Variants in CIP2A observed in about 807,000 individuals in gnomAD.
CIP2A encodes cellular inhibitor of PP2A, also known as protein CIP2A.
Under a neutral mutation model 110.9 loss-of-function variants are expected in CIP2A, and 103 were observed. That is an observed-to-expected ratio of 0.93 (90% CI 0.79 to 1.09). The LOEUF is 1.09. Among genes scored for constraint, CIP2A ranks in the 50% least tolerant of loss-of-function variants. The pLI, the probability that CIP2A is intolerant of heterozygous loss-of-function variation, is 0.00. For missense variants in CIP2A, 1,088 were observed against 1,038.4 expected, an observed-to-expected ratio of 1.05 and a Z score of -0.66; for synonymous variants, 381 against 361.6, an observed-to-expected ratio of 1.05 and a Z score of -0.61.
At position 108,551,038 on chromosome 3, in the gene CIP2A, T is replaced by C. The variant is rs987322067; in HGVS notation, c.*111A>G. ...TCAGGGTCTTTACTAAATTAGATAA[T>C]AACTTCTTATTGTTACGAAGTCACA... On this transcript the variant is annotated 3_prime_UTR_variant, in exon 21 of 21. Coordinates refer to ENST00000295746, the MANE Select transcript of CIP2A (RefSeq NM_020890.3). 1.1e-4 allele frequency: 52 copies of C among 472,822 alleles called. No individual in the cohort carries two copies. Among genetic ancestry groups the C allele is most frequent in the Non-Finnish European group, 1.6e-4 (48 of 291,896 alleles). The allele number at this position is 472,822 out of a possible 1,614,324, so 29.3% of individuals were successfully genotyped here.
intron 14 of CIP2A, 57 bp from the exon 15 acceptor site, chr3:108,560,085 C>A: frequency 4.2e-6 from 4 of 941,450 alleles, no homozygotes; most frequent in South Asian, 1.6e-5. Context: ...GACACAATGA[C>A]AAAATAAATG....
chr3:108,556,999 A>G lies in CIP2A; in HGVS notation c.2210+219T>C, dbSNP rs142577971. 1.3e-3 allele frequency among the ~76,000 whole-genome samples: 200 copies of G among 152,302 alleles called. 1 individual carries two copies. The Middle Eastern group carries it at 0.014, about 10-fold the overall frequency. On this transcript the variant is annotated intron_variant, in intron 17 of 20. Coordinates refer to ENST00000295746, the MANE Select transcript of CIP2A (RefSeq NM_020890.3). ...CTGACTGTTATGAATACATAAAAGA[A>G]GTCAACTGGAAAGACCTGTATTTTG...
At position 108,578,137 on chromosome 3, in the gene CIP2A, T is replaced by C. The variant is rs1049118926; in HGVS notation, c.818+1144A>G. Among the ~76,000 whole-genome samples, 3 of 152,196 alleles carry C rather than the reference T, an allele frequency of 2.0e-5. No individual in the cohort carries two copies. The South Asian group carries it at 6.2e-4, about 31-fold the overall frequency. ...TGGGATTCTACGATAGAGTATAAAA[T>C]AGATAATAGAACTGAGAGATTTACA... On this transcript the variant is annotated intron_variant, in intron 7 of 20. Coordinates refer to ENST00000295746, the MANE Select transcript of CIP2A (RefSeq NM_020890.3).
At chr3:108,554,559 G>C (rs1031426319) in intron 17 of CIP2A, 70 bp from the exon 18 acceptor site, 4 of 678,614 alleles carry the variant, frequency 5.9e-6, no homozygotes, top group Non-Finnish European at 7.7e-6. Flanking sequence ...GAAGCTCACA[G>C]TGTTTTCTTT....
chr3:108,585,338 A>T lies in CIP2A; in HGVS notation c.103-126T>A, dbSNP rs1026329008. ...CCTTCCCAATTTAAAAAATTCACAC[A>T]TGCTGTGAAAAATTCACCCCTGCCT... On this transcript the variant is annotated intron_variant, in intron 1 of 20. Coordinates refer to ENST00000295746, the MANE Select transcript of CIP2A (RefSeq NM_020890.3). The T allele has an allele frequency of 7.2e-6, 6 of 832,936 alleles. No homozygotes were observed. In the Admixed American group the frequency reaches 1.8e-4, roughly 25 times the overall value. 51.6% of individuals were successfully genotyped at this position (832,936 alleles called of 1,614,324 possible).
chr3:108,558,412 G>A (rs556413630), intron 16 of CIP2A, among the ~76,000 whole-genome samples: 1 of 151,968 alleles, frequency 6.6e-6, no homozygotes, highest in Non-Finnish European at 1.5e-5. Flanking sequence ...GATTCCATTT[G>A]TATCTGCTGG....
chr3:108,582,961 G>GT lies in CIP2A; in HGVS notation c.357+15dup. 1 of 1,517,050 alleles carries GT rather than the reference G, an allele frequency of 6.6e-7. No homozygotes were observed. Among genetic ancestry groups the GT allele is most frequent in the Non-Finnish European group, 9.1e-7 (1 of 1,096,786 alleles). The allele number at this position is 1,517,050 out of a possible 1,614,324, so 94.0% of individuals were successfully genotyped here. A position where few individuals can be genotyped will look rare whatever the true frequency, so the allele number is the denominator to read the frequency against. ...GACAGTAAGGAAAGGGGAATACACTGTGTGGGTCTGTATACCTGCAAAAAC... is the reference window on the plus strand; with the variant it reads ...GACAGTAAGGAAAGGGGAATACACTGTTGTGGGTCTGTATACCTGCAAAAAC... On this transcript the variant is annotated intron_variant, in intron 3 of 20. Transcript: ENST00000295746.
chr3:108,578,313 G>C lies in CIP2A; in HGVS notation c.818+968C>G, dbSNP rs903128192. Reference sequence around the variant, plus strand: ...GTAGAATAGATATACATGGATATTGGGAGAATCTCACAACAGATGAAGAGA... The same window carrying C: ...GTAGAATAGATATACATGGATATTGCGAGAATCTCACAACAGATGAAGAGA... On this transcript the variant is annotated intron_variant, in intron 7 of 20. Transcript: ENST00000295746. 1.4e-4 allele frequency among the ~76,000 whole-genome samples: 21 copies of C among 152,236 alleles called. 1 individual carries two copies. In the East Asian group the frequency reaches 3.9e-3, roughly 28 times the overall value.
chr3:108,583,989 C>T (rs2107370715), intron 2 of CIP2A, among the ~76,000 whole-genome samples: 1 of 152,272 alleles, frequency 6.6e-6, no homozygotes, highest in Non-Finnish European at 1.5e-5. Flanking sequence ...AAGTGACTGG[C>T]ATATTCATTC....
rs1178662782 is a variant in CIP2A at position 108,575,583 on chromosome 3, T to C, written c.894+688A>G. On this transcript the variant is annotated intron_variant, in intron 8 of 20. Transcript: ENST00000295746. ...ATACGTGTATATATACTCATATACA[T>C]GTGTATATATACGTGTATATATACT... Among the ~76,000 whole-genome samples the C allele has an allele frequency of 6.0e-5, 9 of 148,876 alleles. 2 individuals carry two copies. Among genetic ancestry groups the C allele is most frequent in the African/African-American group, 2.0e-4 (8 of 40,122 alleles).
intron 11 of CIP2A, among the ~76,000 whole-genome samples, chr3:108,565,820 T>C (rs1324170158): frequency 6.6e-6 from 1 of 151,776 alleles, no homozygotes; most frequent in Non-Finnish European, 1.5e-5. Context: ...TAATACGTAA[T>C]GAATGAATTA....
At chr3:108,581,318 G>T in intron 5 of CIP2A, 97 bp downstream of exon 5, 1 of 826,530 alleles carries the variant, frequency 1.2e-6, no homozygotes, top group Non-Finnish European at 1.9e-6. Context: ...CAGAATCCTT[G>T]TTCAAATTTG....
chr3:108,577,125 T>G (rs944214006), intron 7 of CIP2A, among the ~76,000 whole-genome samples: 1 of 152,116 alleles, frequency 6.6e-6, no homozygotes, highest in African/African-American at 2.4e-5. Flanking sequence ...AAAAGGGCAT[T>G]TCTAGTGAGC....
intron 20 of CIP2A, among the ~76,000 whole-genome samples, chr3:108,551,741 G>T (rs1481704207): frequency 1.3e-5 from 2 of 151,892 alleles, no homozygotes; most frequent in African/African-American, 4.8e-5. Context: ...GGTAGTAAAC[G>T]GGCCAGAAAG....
In CIP2A at chr3:108,589,280, G is replaced by A. The variant is rs1431591711; in HGVS notation, c.96C>T (p.His32=). The A allele has an allele frequency of 1.2e-6, 2 of 1,613,378 alleles. No homozygotes were observed. The highest frequency in any genetic ancestry group is 1.7e-6 in the Non-Finnish European group (2 of 1,179,316). ...CTACCCCAGAGCCTCTCACCTCCAAGTGCCGCAAAAGCTGAGTGGCGTTCG... is the reference window on the plus strand; with the variant it reads ...CTACCCCAGAGCCTCTCACCTCCAAATGCCGCAAAAGCTGAGTGGCGTTCG... ...SEANATQLLR[H]LEVISGQKLT... Residue 32 remains histidine (H), a synonymous_variant, in exon 1 of 21, where the codon CAC becomes CAT. Transcript: ENST00000295746.
intron 7 of CIP2A, among the ~76,000 whole-genome samples, chr3:108,577,131 T>C (rs554382933): frequency 2.0e-5 from 3 of 152,160 alleles, no homozygotes; most frequent in Non-Finnish European, 4.4e-5. Context: ...GCATTTCTAG[T>C]GAGCTGGAAG....
In CIP2A at chr3:108,585,220, ATAG is replaced by A. The variant is rs1250318940; in HGVS notation, c.103-11_103-9del. 1 of 1,594,826 alleles carries A rather than the reference ATAG, an allele frequency of 6.3e-7. No homozygotes were observed. Among genetic ancestry groups the A allele is most frequent in the African/African-American group, 1.3e-5 (1 of 74,192 alleles). On this transcript the variant is annotated splice_polypyrimidine_tract_variant and intron_variant, in intron 1 of 20. Transcript: ENST00000295746. ...TTTCTGTCCAGAAATTACCTATAAA[ATAG>A]TAATCAAAATGTGTTGGTTAAGCGA...
rs1018277760 is a variant in CIP2A, at chr3:108,579,513, T to C, written c.672+53A>G. 1.9e-6 allele frequency: 3 copies of C among 1,565,854 alleles called. No individual in the cohort carries two copies. The African/African-American group carries it at 4.2e-5, about 22-fold the overall frequency. ...GTAAAAATAAAAAAGTCTCAATGAC[T>C]TTTAAAATATCAGACTATAAACTTC... On this transcript the variant is annotated intron_variant, in intron 6 of 20. Transcript: ENST00000295746.
chr3:108,576,140 C>A, intron 8 of CIP2A, 131 bp downstream of exon 8: 3 of 551,172 alleles, frequency 5.4e-6, no homozygotes. Flanking sequence ...ACACTGGCTA[C>A]ATAATTGTGT....
Sources: allele counts gnomAD v4.1 joint callset (sites outside exome capture counted in the v4.1 genomes callset), GRCh38; gene constraint gnomAD v4.1.1; transcripts MANE v1.5; gene names NCBI Gene and HGNC (gene_info 2026-07-23, HGNC 2026-07-21).